Variants in UBIAD1 observed in about 807,000 individuals in gnomAD.
UBIAD1 encodes the protein ubiA prenyltransferase domain-containing protein 1.
A neutral mutation model predicts 20.1 loss-of-function variants in UBIAD1; 12 were observed. That is an observed-to-expected ratio of 0.60 (90% CI 0.38 to 0.97). The LOEUF is 0.97. Ranked by LOEUF, UBIAD1 falls within the 50% of genes least tolerant of loss-of-function variation. UBIAD1 has a pLI of 0.00. For missense variants in UBIAD1, 333 were observed against 419.5 expected (o/e 0.79, Z 1.80); for synonymous variants, 207 against 189.2 (o/e 1.09, Z -0.77).
chr1:11,298,740 C>G (rs1314454741), downstream of UBIAD1, among the ~76,000 whole-genome samples: 1 of 152,176 alleles, frequency 6.6e-6, no homozygotes, highest in African/African-American at 2.4e-5. This position sits in a 1 kb window ranked among gnomAD's most constrained non-coding sequence, Gnocchi z 4.0. Context: ...GAACCCAATG[C>G]AGTGAGCGAC....
intron 1 of UBIAD1, chr1:11,293,717 C>G (rs1294395933): frequency 6.6e-6 from 1 of 152,224 alleles, no homozygotes; most frequent in Admixed American, 6.6e-5. Flanking sequence ...CTCTTGTCAC[C>G]CAGGCTGGAG....
chr1:11,277,626 AG>A (rs1281402971), intron 1 of UBIAD1, among the ~76,000 whole-genome samples: 108 of 152,252 alleles, frequency 7.1e-4, no homozygotes, highest in African/African-American at 2.5e-3. Flanking sequence ...TCACTAAGCA[AG>A]ATGGATAAAG....
At chr1:11,277,690 C>T (rs1652096945) in intron 1 of UBIAD1, among the ~76,000 whole-genome samples, 1 of 152,184 alleles carries the variant, frequency 6.6e-6, no homozygotes, top group Non-Finnish European at 1.5e-5. Context: ...TCTTGTTGCC[C>T]AGGCTGGAGT....
Position 11,285,574 on chromosome 1 carries a change from T to A in UBIAD1, c.530-70T>A. ...TTTTCAGCCGGAAGTGGCCTGCCTC[T>A]TCACTGGTGAACAGTCCCTAAATTT... On this transcript the variant is annotated intron_variant, in intron 1 of 1. Transcript: ENST00000376810. This position sits in a 1 kb window ranked among gnomAD's most constrained non-coding sequence, Gnocchi z 4.4. 6.2e-7 allele frequency: 1 copy of A among 1,610,798 alleles called. No homozygotes were observed. The highest frequency in any genetic ancestry group is 8.5e-7 in the Non-Finnish European group (1 of 1,179,568).
rs1036707852 is a variant in UBIAD1 at position 11,273,251 on chromosome 1, T to G, written c.-281T>G. 4.4e-6 allele frequency: 2 copies of G among 456,232 alleles called. No individual in the cohort carries two copies. The highest frequency in any genetic ancestry group is 6.0e-4 in the Middle Eastern group (1 of 1,658). The allele number at this position is 456,232 out of a possible 1,614,324, so 28.3% of individuals were successfully genotyped here. A position where few individuals can be genotyped will look rare whatever the true frequency, so the allele number is the denominator to read the frequency against. On this transcript the variant is annotated 5_prime_UTR_variant, in exon 1 of 2. The change abolishes the stop of an existing upstream ORF in the 5' untranslated region. Coordinates refer to ENST00000376810, the MANE Select transcript of UBIAD1 (RefSeq NM_013319.3). The surrounding 1 kb of genome is among the most constrained non-coding windows in gnomAD (Gnocchi z 4.9). The stretch of plus-strand genomic sequence containing the variant: ...GCACAAGATGGCGGCTCTGGCGGCC[T>G]AAAGAAGGCGGCCGCGGCTCAGCCG...
In UBIAD1 at chr1:11,285,780, C is replaced by T. The variant is rs1638251806; in HGVS notation, c.666C>T (p.Ala222=). The T allele has an allele frequency of 1.2e-6, 2 of 1,614,206 alleles. No individual in the cohort carries two copies. Among genetic ancestry groups the T allele is most frequent in the Middle Eastern group, 1.6e-4 (1 of 6,062 alleles). ...CACTGGTCTATGCCATCCCCCTCGC[C>T]CTCAGCACCGAGGCCATTCTCCATT... is the stretch of plus-strand genomic sequence containing the variant. ...IFPLVYAIPL[A]LSTEAILHSN... The change falls in exon 2 of 2, where the codon GCC becomes GCT. Residue 222 remains alanine, a synonymous_variant. Coordinates refer to ENST00000376810, the MANE Select transcript of UBIAD1 (RefSeq NM_013319.3). The surrounding 1 kb of genome is among the most constrained non-coding windows in gnomAD (Gnocchi z 4.4).
chr1:11,294,814 G>T (rs1261359096), intron 1 of UBIAD1: 2 of 717,356 alleles, frequency 2.8e-6, no homozygotes, highest in Admixed American at 2.0e-5. Context: ...TCAGTCTCAG[G>T]TTAAATTTAT....
chr1:11,273,739 G>T lies in UBIAD1; in HGVS notation c.208G>T (p.Ala70Ser). ...ASLTPVALGS[A>S]LAYRSHGVLD... ...ACTCACACCGGTGGCCCTGGGCAGTGCCCTTGCCTACAGATCCCACGGTGT... is the reference window on the plus strand; with the variant it reads ...ACTCACACCGGTGGCCCTGGGCAGTTCCCTTGCCTACAGATCCCACGGTGT... Residue 70 changes from alanine (A) to serine (S), a missense_variant, in exon 1 of 2, where the codon GCC (alanine) becomes TCC (serine). Physicochemically the swap from Ala to Ser is moderately conservative, Grantham distance 99 (BLOSUM62 1). Coordinates refer to ENST00000376810, the MANE Select transcript of UBIAD1 (RefSeq NM_013319.3). This position sits in a 1 kb window ranked among gnomAD's most constrained non-coding sequence, Gnocchi z 4.9. 6.2e-7 allele frequency: 1 copy of T among 1,614,134 alleles called. No individual in the cohort carries two copies. Among genetic ancestry groups the T allele is most frequent in the South Asian group, 1.1e-5 (1 of 91,088 alleles).
At chr1:11,274,206 T>G in intron 1 of UBIAD1, 146 bp downstream of exon 1, 1 of 1,103,854 alleles carries the variant, frequency 9.1e-7, no homozygotes. Flanking sequence ...GTGATGTGAA[T>G]TTTTTGAAAC....
intron 1 of UBIAD1, among the ~76,000 whole-genome samples, chr1:11,275,858 C>T (rs935995990): frequency 3.3e-5 from 5 of 152,080 alleles, no homozygotes; most frequent in African/African-American, 9.7e-5. Flanking sequence ...TGCCATAGGC[C>T]TTCAGGCAGG....
At chr1:11,297,739 AATGCGCTGAAGAAGT>A (rs1311680613), downstream of UBIAD1, among the ~76,000 whole-genome samples, 6 of 152,162 alleles carry the variant, frequency 3.9e-5, no homozygotes, top group South Asian at 6.2e-4. Flanking sequence ...GACAGTTGAG[AATGCGCTGAAGAAGT>A]CCTGGATGGA....
intron 1 of UBIAD1, among the ~76,000 whole-genome samples, chr1:11,276,181 G>A (rs1427575214): frequency 6.6e-6 from 1 of 152,184 alleles, no homozygotes; most frequent in East Asian, 1.9e-4. Flanking sequence ...ATCCAGGCAA[G>A]CGATGTTTGG....
chr1:11,298,467 T>G (rs1638480568), downstream of UBIAD1, among the ~76,000 whole-genome samples: 1 of 151,992 alleles, frequency 6.6e-6, no homozygotes, highest in Admixed American at 6.6e-5. The surrounding 1 kb of genome is among the most constrained non-coding windows in gnomAD (Gnocchi z 4.0). Flanking sequence ...CTCCGGAGGC[T>G]GAGGCAGGAG....
chr1:11,281,800 A>G (rs1268866923), intron 1 of UBIAD1, among the ~76,000 whole-genome samples: 2 of 152,234 alleles, frequency 1.3e-5, no homozygotes, highest in Admixed American at 6.5e-5. Context: ...TTTGCCTGTC[A>G]TATAAATGGA....
chr1:11,273,468 CCTT>C lies in UBIAD1; in HGVS notation c.-62_-60del. 6.3e-7 allele frequency: 1 copy of C among 1,598,914 alleles called. No individual in the cohort carries two copies. Among genetic ancestry groups the C allele is most frequent in the Non-Finnish European group, 8.5e-7 (1 of 1,173,324 alleles). ...CCTGCTGCCCCGCCCCGTCCTTCCT[CCTT>C]CCCGGGCGGTCACTGTGCGTGGCTC... On this transcript the variant is annotated 5_prime_UTR_variant, in exon 1 of 2. Transcript: ENST00000376810. The surrounding 1 kb of genome is among the most constrained non-coding windows in gnomAD (Gnocchi z 4.9).
At chr1:11,299,504 G>GT (rs1164584118), downstream of UBIAD1, among the ~76,000 whole-genome samples, 7 of 152,218 alleles carry the variant, frequency 4.6e-5, no homozygotes, top group African/African-American at 1.7e-4. Flanking sequence ...TTGAAGGGGG[G>GT]AGCAAAGCGT....
chr1:11,280,506 A>G (rs191493924), intron 1 of UBIAD1, among the ~76,000 whole-genome samples: 45 of 152,308 alleles, frequency 3.0e-4, no homozygotes, highest in African/African-American at 1.1e-3. Context: ...TTCTCCTAGA[A>G]CTGTCTCATA....
intron 1 of UBIAD1, among the ~76,000 whole-genome samples, chr1:11,275,374 A>G (rs1384638224): frequency 6.6e-6 from 1 of 152,042 alleles, no homozygotes; most frequent in Non-Finnish European, 1.5e-5. Flanking sequence ...GTGCTATGGG[A>G]AAAAAAAGTA....
At chr1:11,274,645 T>C (rs538375794) in intron 1 of UBIAD1, among the ~76,000 whole-genome samples, 27 of 152,128 alleles carry the variant, frequency 1.8e-4, no homozygotes, top group African/African-American at 5.5e-4. Context: ...AGTCTCGCTC[T>C]GTTGCCCAGG....
Sources: gnomAD v4.1 joint callset for allele counts (sites outside exome capture counted in the v4.1 genomes callset) on GRCh38, gnomAD v4.1.1 for gene constraint, Gnocchi (gnomAD v3.1) non-coding constraint, MANE v1.5 for transcripts, NCBI Gene and HGNC (gene_info 2026-07-23, HGNC 2026-07-21) for gene names.